HERC2: variants seen among roughly 807,000 people sequenced by gnomAD.
The protein encoded by HERC2 is E3 ubiquitin-protein ligase HERC2.
Under a neutral mutation model 537.7 loss-of-function variants are expected in HERC2, and 102 were observed. The observed-to-expected ratio is 0.19, with a 90% CI of 0.16 to 0.22. HERC2 has a LOEUF of 0.22. HERC2 is among the 10% of genes least tolerant of loss of function. HERC2 has a pLI of 1.00. For missense variants in HERC2, 4,236 were observed against 6,198.2 expected (o/e 0.68, Z 10.63); for synonymous variants, 2,224 against 2,466.2 (o/e 0.90, Z 2.91).
intron 2 of HERC2, among the ~76,000 whole-genome samples, chr15:28,311,088 A>AAG (rs1294389470): frequency 1.4e-5 from 2 of 148,066 alleles, no homozygotes; most frequent in Non-Finnish European, 3.0e-5. Flanking sequence ...AAAAAAAAAA[A>AAG]AAAAAAAAAA....
rs895132952 is a variant in HERC2 at position 28,260,823 on chromosome 15, C to A, written c.2270G>T (p.Gly757Val). Residue 757 changes from glycine to valine, a missense_variant, in exon 16 of 93, where the codon GGA becomes GTA. Coordinates refer to ENST00000261609, the MANE Select transcript of HERC2 (RefSeq NM_004667.6). ...VTKPEPAALP[G>V]LDTKHIVGIA... is the part of the protein sequence containing the mutation. ...TCCCACTATGTGTTTGGTGTCCAGT[C>A]CTGGCAATGCTGCAGGTTCTGGCTT... 5 of 1,614,124 alleles carry A rather than the reference C, an allele frequency of 3.1e-6. No homozygotes were observed. Among genetic ancestry groups the A allele is most frequent in the Middle Eastern group, 1.6e-4 (1 of 6,084 alleles).
At chr15:28,269,131 G>C in intron 11 of HERC2, 117 bp downstream of exon 11, 1 of 739,338 alleles carries the variant, frequency 1.4e-6, no homozygotes, top group Non-Finnish European at 2.2e-6. Flanking sequence ...ACAATAAACA[G>C]AACTTTGTCA....
intron 2 of HERC2, among the ~76,000 whole-genome samples, chr15:28,306,840 CCTT>C (rs1189062188): frequency 1.3e-5 from 2 of 151,654 alleles, no homozygotes; most frequent in East Asian, 3.9e-4. Context: ...ATTTCTTTTT[CCTT>C]CTTTTTTTGA....
At chr15:28,249,936 T>C (rs1019713531) in intron 20 of HERC2, among the ~76,000 whole-genome samples, 1 of 151,632 alleles carries the variant, frequency 6.6e-6, no homozygotes, top group Non-Finnish European at 1.5e-5. Context: ...ATTACAGGCG[T>C]GAGCCACCAC....
At position 28,191,976 on chromosome 15, in the gene HERC2, C is replaced by G. The variant is rs759246413; in HGVS notation, c.8436G>C (p.Ser2812=). Residue 2812 remains serine, a synonymous_variant, in exon 53 of 93, where the codon TCG becomes TCC. Coordinates refer to ENST00000261609, the MANE Select transcript of HERC2 (RefSeq NM_004667.6). ...TAGATGCTACCTTTCCTTGCGACCCCGATGACTGCCAGCAGGGCTCGCTGC... is the reference window on the plus strand; with the variant it reads ...TAGATGCTACCTTTCCTTGCGACCCGGATGACTGCCAGCAGGGCTCGCTGC... ...IDGSEPCWQS[S]GSQGKHWIRL... is the part of the protein sequence containing the mutation. 1.2e-6 allele frequency: 2 copies of G among 1,613,600 alleles called. No homozygotes were observed. The highest frequency in any genetic ancestry group is 1.1e-5 in the South Asian group (1 of 91,074).
At chr15:28,115,238 A>C (rs1888091541) in intron 89 of HERC2, 191 bp downstream of exon 89, 1 of 550,734 alleles carries the variant, frequency 1.8e-6, no homozygotes, top group Non-Finnish European at 3.2e-6. Flanking sequence ...TGTATGTTAC[A>C]AAACACCAGA....
At chr15:28,292,390 A>G (rs2076341584) in intron 4 of HERC2, among the ~76,000 whole-genome samples, 1 of 152,192 alleles carries the variant, frequency 6.6e-6, no homozygotes, top group East Asian at 1.9e-4. Context: ...CTACTCACAC[A>G]AATTAGGATG....
At position 28,243,185 on chromosome 15, in the gene HERC2, A is replaced by C. The variant is rs552110705; in HGVS notation, c.3577+2696T>G. 2.0e-5 allele frequency among the ~76,000 whole-genome samples: 3 copies of C among 152,356 alleles called. No individual in the cohort carries two copies. In the South Asian group the frequency reaches 6.2e-4, roughly 32 times the overall value. On this transcript the variant is annotated intron_variant, in intron 23 of 92. Coordinates refer to ENST00000261609, the MANE Select transcript of HERC2 (RefSeq NM_004667.6). ...TCTTTTCACCCAAAGGTGCTGGCAC[A>C]AAGACACTATGGACAAAATGCCCAT...
At chr15:28,171,150 T>C (rs1894654890) in intron 65 of HERC2, among the ~76,000 whole-genome samples, 1 of 152,232 alleles carries the variant, frequency 6.6e-6, no homozygotes, top group Non-Finnish European at 1.5e-5. Flanking sequence ...GAACTTATTT[T>C]CACGTAAAGT....
At chr15:28,135,780 G>GAC in intron 78 of HERC2, 88 bp from the exon 79 acceptor site, 1 of 957,206 alleles carries the variant, frequency 1.0e-6, no homozygotes, top group Non-Finnish European at 1.6e-6. Context: ...CCATGCTTTA[G>GAC]ACATTTTTAC....
Position 28,185,292 on chromosome 15 carries a change from G to T in HERC2, c.8825+1285C>A, listed in dbSNP as rs141330793. Among the ~76,000 whole-genome samples the T allele has an allele frequency of 1.9e-3, 287 of 152,182 alleles. 1 individual carries two copies. The highest frequency in any genetic ancestry group is 6.4e-3 in the African/African-American group (265 of 41,536). Reference sequence around the variant, plus strand: ...CTGTTGTCTCCTCATGTCACACGCTGCAGAGTACTTAGAGCACAGGGTGTC... The same window carrying T: ...CTGTTGTCTCCTCATGTCACACGCTTCAGAGTACTTAGAGCACAGGGTGTC... On this transcript the variant is annotated intron_variant, in intron 56 of 92. Transcript: ENST00000261609.
At chr15:28,294,868 C>T (rs942680131) in intron 3 of HERC2, among the ~76,000 whole-genome samples, 1 of 148,940 alleles carries the variant, frequency 6.7e-6, no homozygotes, top group Non-Finnish European at 1.5e-5. Flanking sequence ...CATCCCATAT[C>T]CCTAGGGCAG....
Position 28,265,087 on chromosome 15 carries a change from A to G in HERC2, c.1870+531T>C, listed in dbSNP as rs1431532293. On this transcript the variant is annotated intron_variant, in intron 14 of 92. Transcript: ENST00000261609. This position sits in a 1 kb window ranked among gnomAD's most constrained non-coding sequence, Gnocchi z 4.0. ...AGACTCCACAACGCCAGAGACACAC[A>G]AGATGCCAAGGACAGACCACCACAA... is the stretch of plus-strand genomic sequence containing the variant. 6.6e-6 allele frequency among the ~76,000 whole-genome samples: 1 copy of G among 152,164 alleles called. No homozygotes were observed. The highest frequency in any genetic ancestry group is 2.4e-5 in the African/African-American group (1 of 41,442).
In HERC2 at chr15:28,229,527, G is replaced by A; in HGVS notation, c.5053C>T (p.Leu1685Phe). The A allele has an allele frequency of 1.2e-6, 2 of 1,613,848 alleles. No individual in the cohort carries two copies. The highest frequency in any genetic ancestry group is 8.5e-7 in the Non-Finnish European group (1 of 1,179,762). ...AACATCGCATACTGCACAGATGGAA[G>A]TAAGAAATTCTTGCTCGCCAGTTTT... is the stretch of plus-strand genomic sequence containing the variant. Reference protein sequence around the residue: ...ILKLASKNFLLPSVQYAMFCG... With the variant: ...ILKLASKNFLFPSVQYAMFCG... Residue 1685 changes from leucine (L) to phenylalanine (F), a missense_variant, in exon 33 of 93, where the codon CTT becomes TTT. Around this residue, in one of 27 missense-constraint regions of HERC2, gnomAD observed 343 missense variants for 417.2 expected, o/e 0.82. Transcript: ENST00000261609.
At chr15:28,132,512 A>T in intron 80 of HERC2, 141 bp downstream of exon 80, 2 of 851,812 alleles carry the variant, frequency 2.3e-6, no homozygotes, top group Non-Finnish European at 3.3e-6. Context: ...AAGGCTGTTT[A>T]TTCACTTCTT....
chr15:28,152,579 T>G (rs563917787), intron 70 of HERC2, 98 bp downstream of exon 70: 1 of 1,104,474 alleles, frequency 9.1e-7, no homozygotes, highest in African/African-American at 1.6e-5. Context: ...CTTCTTTTTA[T>G]AAAATGGAGA....
Position 28,272,470 on chromosome 15 carries a change from G to A in HERC2, c.912-84C>T, listed in dbSNP as rs139389826. ...TGATCAAAAATAAAAGCAAATAGCT[G>A]GATAGAAGTGAACAAATACTTGGGA... is the stretch of plus-strand genomic sequence containing the variant. On this transcript the variant is annotated intron_variant, in intron 8 of 92. Transcript: ENST00000261609. 6 of 1,227,356 alleles carry A rather than the reference G, an allele frequency of 4.9e-6. No homozygotes were observed. In the South Asian group the frequency reaches 5.5e-5, roughly 11 times the overall value. 76.0% of individuals were successfully genotyped at this position (1,227,356 alleles called of 1,614,324 possible). A position where few individuals can be genotyped will look rare whatever the true frequency, so the allele number is the denominator to read the frequency against.
intron 31 of HERC2, 100 bp downstream of exon 31, chr15:28,230,267 C>A: frequency 8.3e-7 from 1 of 1,211,018 alleles, no homozygotes; most frequent in South Asian, 1.2e-5. Flanking sequence ...CTAACAACCG[C>A]CCGTCCCTCC....
At chr15:28,270,052 C>T (rs2075675296) in intron 10 of HERC2, among the ~76,000 whole-genome samples, 1 of 152,180 alleles carries the variant, frequency 6.6e-6, no homozygotes. Context: ...ACCTCCGCCT[C>T]CCGGGTTCAA....
Sources: allele counts gnomAD v4.1 joint callset (sites outside exome capture counted in the v4.1 genomes callset), GRCh38; gene constraint gnomAD v4.1.1; regional missense constraint gnomAD v4.1.1; non-coding constraint Gnocchi (gnomAD v3.1); transcripts MANE v1.5; gene names NCBI Gene and HGNC (gene_info 2026-07-23, HGNC 2026-07-21).